EHHADH: variants seen among roughly 807,000 people sequenced by gnomAD.
EHHADH encodes peroxisomal bifunctional enzyme.
Under a neutral mutation model 64.4 loss-of-function variants are expected in EHHADH, and 48 were observed. The observed-to-expected ratio is 0.75, with a 90% confidence interval of 0.59 to 0.95. EHHADH has a LOEUF of 0.95. EHHADH is among the 40% of genes least tolerant of loss of function. The pLI is 0.00. For synonymous variants in EHHADH, 308 were observed against 326.7 expected, an observed-to-expected ratio of 0.94 and a Z score of 0.62; for missense variants, 854 against 876.6, an observed-to-expected ratio of 0.97 and a Z score of 0.33.
chr3:185,235,264 C>A, intron 3 of EHHADH, 26 bp downstream of exon 3: 1 of 1,573,698 alleles, frequency 6.4e-7, no homozygotes. Context: ...CACACACCAG[C>A]CACTATATAG....
chr3:185,226,509 C>T (rs1718978869), intron 4 of EHHADH, among the ~76,000 whole-genome samples: 1 of 152,054 alleles, frequency 6.6e-6, no homozygotes, highest in Admixed American at 6.6e-5. Flanking sequence ...ATTAGCCGGG[C>T]ATGGTGGCGC....
intron 3 of EHHADH, among the ~76,000 whole-genome samples, chr3:185,232,355 T>C (rs1199304827): frequency 6.6e-6 from 1 of 152,244 alleles, no homozygotes; most frequent in Admixed American, 6.5e-5. Context: ...TATTTATTTG[T>C]AAGCATTTAT....
At chr3:185,252,699 T>C (rs1719782583) in intron 1 of EHHADH, among the ~76,000 whole-genome samples, 1 of 152,238 alleles carries the variant, frequency 6.6e-6, no homozygotes, top group African/African-American at 2.4e-5. Flanking sequence ...CAATAATTCA[T>C]AATGAATTAA....
intron 4 of EHHADH, among the ~76,000 whole-genome samples, chr3:185,227,487 G>A (rs992678031): frequency 1.3e-5 from 2 of 151,168 alleles, no homozygotes; most frequent in African/African-American, 2.4e-5. Flanking sequence ...AGCTGAGATC[G>A]CAGCATTGCA....
At chr3:185,240,737 G>A (rs1307622857) in intron 2 of EHHADH, among the ~76,000 whole-genome samples, 1 of 151,614 alleles carries the variant, frequency 6.6e-6, no homozygotes. Context: ...TTTATCCTTT[G>A]TATCTTCTTA....
intron 2 of EHHADH, among the ~76,000 whole-genome samples, chr3:185,244,750 G>A (rs1307327536): frequency 2.0e-5 from 3 of 152,148 alleles, no homozygotes; most frequent in Non-Finnish European, 4.4e-5. Flanking sequence ...ACCATAAGAA[G>A]CTAGAAGAGG....
chr3:185,228,564 G>A (rs1486629696), intron 4 of EHHADH, among the ~76,000 whole-genome samples: 2 of 148,636 alleles, frequency 1.3e-5, no homozygotes, highest in Admixed American at 1.3e-4. Flanking sequence ...TGTAATCCCA[G>A]CTACTTGGGA....
chr3:185,246,627 T>C (rs1159553776), intron 2 of EHHADH, among the ~76,000 whole-genome samples: 1 of 152,238 alleles, frequency 6.6e-6, no homozygotes, highest in Non-Finnish European at 1.5e-5. Flanking sequence ...TCATTCTTTA[T>C]ATGCATTGCT....
At chr3:185,222,110 TGG>T (rs1338473790) in intron 4 of EHHADH, among the ~76,000 whole-genome samples, 1 of 152,116 alleles carries the variant, frequency 6.6e-6, no homozygotes, top group Non-Finnish European at 1.5e-5. Context: ...CCGGATGTGG[TGG>T]CTCACACCTG....
intron 6 of EHHADH, among the ~76,000 whole-genome samples, chr3:185,197,776 T>A (rs563043191): frequency 2.0e-5 from 3 of 152,204 alleles, no homozygotes; most frequent in Non-Finnish European, 4.4e-5. Flanking sequence ...AATATCTATT[T>A]GAGTCCCTGC....
chr3:185,240,808 T>C (rs1184877145), intron 2 of EHHADH, among the ~76,000 whole-genome samples: 1 of 152,156 alleles, frequency 6.6e-6, no homozygotes, highest in Non-Finnish European at 1.5e-5. Context: ...TTTCTGTTTT[T>C]ATTTTTATTT....
In EHHADH at chr3:185,192,608, G is replaced by A; in HGVS notation, c.1790C>T (p.Ser597Phe). The change falls in exon 7 of 7, where the codon TCC becomes TTC. Residue 597 changes from serine to phenylalanine, a missense_variant. Transcript: ENST00000231887. ...GRIHKPDPWL[S>F]KFLSRYRKTH... Reference sequence around the variant, plus strand: ...TTTTCTATACCGTGATAGGAATTTGGAAAGCCAGGGATCAGGTTTGTGAAT... The same window carrying A: ...TTTTCTATACCGTGATAGGAATTTGAAAAGCCAGGGATCAGGTTTGTGAAT... 6.2e-7 allele frequency: 1 copy of A among 1,614,198 alleles called. No homozygotes were observed. Among genetic ancestry groups the A allele is most frequent in the Non-Finnish European group, 8.5e-7 (1 of 1,180,036 alleles).
chr3:185,194,710 G>A (rs1718007991), intron 6 of EHHADH, among the ~76,000 whole-genome samples: 1 of 147,126 alleles, frequency 6.8e-6, no homozygotes, highest in Non-Finnish European at 1.5e-5. Context: ...TGAAGCAGGA[G>A]GATATCTTGA....
chr3:185,237,196 A>G lies in EHHADH; in HGVS notation c.179-1734T>C, dbSNP rs76789553. ...TTTCCAGCACATCAAAATCTAATTA[A>G]TATTGGGATATTGATTTTTATACCC... On this transcript the variant is annotated intron_variant, in intron 2 of 6. Transcript: ENST00000231887. 3.2e-3 allele frequency among the ~76,000 whole-genome samples: 489 copies of G among 152,362 alleles called. 1 individual carries two copies. The highest frequency in any genetic ancestry group is 0.011 in the African/African-American group (471 of 41,590).
intron 4 of EHHADH, among the ~76,000 whole-genome samples, chr3:185,228,777 A>G (rs1719071060): frequency 6.6e-6 from 1 of 152,174 alleles, no homozygotes; most frequent in African/African-American, 2.4e-5. Flanking sequence ...ATTTGAAAAC[A>G]TACCTTGAAA....
chr3:185,226,368 G>A (rs1023884091), intron 4 of EHHADH, among the ~76,000 whole-genome samples: 1 of 152,170 alleles, frequency 6.6e-6, no homozygotes, highest in Non-Finnish European at 1.5e-5. Context: ...GATCCTCCAG[G>A]CCGGGCACAG....
rs534361314 is a variant in EHHADH at position 185,208,344 on chromosome 3, AC to A, written c.569-3588del. Among the ~76,000 whole-genome samples the A allele has an allele frequency of 4.7e-4, 71 of 152,360 alleles. 1 individual carries two copies. The South Asian group carries it at 0.015, about 32-fold the overall frequency. The stretch of plus-strand genomic sequence containing the variant: ...TAATCAACCTGAGATGACTACAGCC[AC>A]AGACAACACCTTGATTGTAGCTTTG... On this transcript the variant is annotated intron_variant, in intron 5 of 6. Transcript: ENST00000231887.
intron 6 of EHHADH, 75 bp downstream of exon 6, chr3:185,204,341 C>T (rs1443009060): frequency 1.9e-5 from 25 of 1,350,708 alleles, no homozygotes; most frequent in Admixed American, 4.4e-5. Context: ...ACCTAGCATC[C>T]GGTAGCCCTA....
At chr3:185,197,280 C>T (rs532365335) in intron 6 of EHHADH, among the ~76,000 whole-genome samples, 2 of 152,154 alleles carry the variant, frequency 1.3e-5, no homozygotes, top group East Asian at 1.9e-4. Context: ...GCTTACTATG[C>T]ATTTTCTGAT....
Sources: allele counts gnomAD v4.1 joint callset (sites outside exome capture counted in the v4.1 genomes callset), GRCh38; gene constraint gnomAD v4.1.1; transcripts MANE v1.5; gene names NCBI Gene and HGNC (gene_info 2026-07-23, HGNC 2026-07-21).